SCPEP1: variants seen among roughly 807,000 people sequenced by gnomAD.
The protein encoded by SCPEP1 is retinoid-inducible serine carboxypeptidase.
A neutral mutation model predicts 63.8 loss-of-function variants in SCPEP1; 51 were observed. The ratio of observed to expected loss-of-function variants is 0.80; its 90% CI spans 0.64 to 1.01. The LOEUF is 1.01. Among genes scored for constraint, SCPEP1 ranks in the 50% least tolerant of loss-of-function variants. SCPEP1 has a pLI of 0.00. For missense variants in SCPEP1, 499 were observed against 554.9 expected, an observed-to-expected ratio of 0.90 and a Z score of 1.01; for synonymous variants, 204 against 207.8, an observed-to-expected ratio of 0.98 and a Z score of 0.16.
intron 12 of SCPEP1, among the ~76,000 whole-genome samples, chr17:57,004,259 G>A (rs1055498529): frequency 6.6e-6 from 1 of 152,160 alleles, no homozygotes; most frequent in African/African-American, 2.4e-5. Context: ...GCGCGGTGGC[G>A]CCTGCCTGTG....
At chr17:56,980,618 A>G (rs1156598657) in intron 1 of SCPEP1, among the ~76,000 whole-genome samples, 1 of 151,906 alleles carries the variant, frequency 6.6e-6, no homozygotes, top group Non-Finnish European at 1.5e-5. Flanking sequence ...GAGAAACCCC[A>G]TCTCTACTAA....
At chr17:57,005,795 C>T (rs535048304) in intron 12 of SCPEP1, among the ~76,000 whole-genome samples, 4 of 152,192 alleles carry the variant, frequency 2.6e-5, no homozygotes, top group South Asian at 4.1e-4. Flanking sequence ...ATTCTCAATC[C>T]GGGATCCCTT....
At chr17:56,987,907 C>T in intron 4 of SCPEP1, 57 bp downstream of exon 4, 2 of 1,579,808 alleles carry the variant, frequency 1.3e-6, no homozygotes, top group Non-Finnish European at 1.7e-6. Context: ...ACTCTACATC[C>T]ATCAGCATAA....
At chr17:56,983,451 C>T (rs955572948) in intron 2 of SCPEP1, 3 of 152,184 alleles carry the variant, frequency 2.0e-5, no homozygotes, top group African/African-American at 4.8e-5. Context: ...TAATTTATTG[C>T]ATATTGCATT....
intron 1 of SCPEP1, 67 bp downstream of exon 1, chr17:56,978,302 C>G (rs1910974832): frequency 6.8e-7 from 1 of 1,472,594 alleles, no homozygotes; most frequent in Non-Finnish European, 9.0e-7. Context: ...GAGTTTGTTA[C>G]TGGGTTTGTG....
At chr17:57,002,887 A>AG (rs1339840866) in intron 12 of SCPEP1, among the ~76,000 whole-genome samples, 10 of 151,808 alleles carry the variant, frequency 6.6e-5, no homozygotes, top group African/African-American at 2.4e-4. Context: ...AAAAAAAAAA[A>AG]AAAAGAAAAA....
chr17:56,987,874 T>A (rs1911271365), intron 4 of SCPEP1, 24 bp downstream of exon 4: 3 of 1,612,658 alleles, frequency 1.9e-6, no homozygotes, highest in Non-Finnish European at 1.7e-6. Flanking sequence ...CAGGAACAGC[T>A]AAGTAAAGGG....
chr17:56,985,237 G>A lies in SCPEP1; in HGVS notation c.226-141G>A, dbSNP rs551358690. 1.0e-4 allele frequency: 66 copies of A among 662,682 alleles called. No individual in the cohort carries two copies. In the African/African-American group the frequency reaches 1.1e-3, roughly 11 times the overall value. 41.1% of individuals were successfully genotyped at this position (662,682 alleles called of 1,614,324 possible). On this transcript the variant is annotated intron_variant, in intron 2 of 12. Transcript: ENST00000262288. ...GAGCTTTGCTAATGTGGAAGTCCCTGGTTCACTAGAGAAATTGTGTCTTTT... is the reference window on the plus strand; with the variant it reads ...GAGCTTTGCTAATGTGGAAGTCCCTAGTTCACTAGAGAAATTGTGTCTTTT...
chr17:57,006,327 T>C lies in SCPEP1; in HGVS notation c.*92T>C. On this transcript the variant is annotated 3_prime_UTR_variant, in exon 13 of 13. Coordinates refer to ENST00000262288, the MANE Select transcript of SCPEP1 (RefSeq NM_021626.3). ...CTGTAGGAAGCGCCATTCTTCCCTG[T>C]ATCTAACTGGGGCTGTGATCAAGAA... The C allele has an allele frequency of 5.6e-6, 5 of 891,274 alleles. No homozygotes were observed. Among genetic ancestry groups the C allele is most frequent in the Non-Finnish European group, 8.4e-6 (5 of 593,336 alleles). The allele number at this position is 891,274 out of a possible 1,614,324, so 55.2% of individuals were successfully genotyped here.
In SCPEP1 at chr17:57,006,572, C is replaced by A. The variant is rs11559131; in HGVS notation, c.*337C>A. ...AGGTACCCAAAGAGTAAATCAACAT[C>A]TGTATACCCCCTTCCCAGGGGTAAG... On this transcript the variant is annotated 3_prime_UTR_variant, in exon 13 of 13. Coordinates refer to ENST00000262288, the MANE Select transcript of SCPEP1 (RefSeq NM_021626.3). 20,865 of 172,650 alleles carry A rather than the reference C, an allele frequency of 0.12. 1,332 individuals carry two copies. The highest frequency in any genetic ancestry group is 0.21 in the East Asian group (1,379 of 6,578). 10.7% of individuals were successfully genotyped at this position (172,650 alleles called of 1,614,324 possible). A position where few individuals can be genotyped will look rare whatever the true frequency, so the allele number is the denominator to read the frequency against.
At chr17:56,998,076 G>A (rs546685532) in intron 9 of SCPEP1, 24 of 282,788 alleles carry the variant, frequency 8.5e-5, no homozygotes, top group Non-Finnish European at 1.4e-4. Flanking sequence ...CACTTGGGAG[G>A]CTGAGGCGGG....
At position 56,985,331 on chromosome 17, in the gene SCPEP1, A is replaced by G. The variant is rs754450041; in HGVS notation, c.226-47A>G. ...GCAAATGTGGTCATTCATTGTAAAG[A>G]CTAAGATCTGACTAAAATTTTTGTT... On this transcript the variant is annotated intron_variant, in intron 2 of 12. Coordinates refer to ENST00000262288, the MANE Select transcript of SCPEP1 (RefSeq NM_021626.3). The G allele has an allele frequency of 2.1e-6, 3 of 1,418,056 alleles. No homozygotes were observed. In the Admixed American group the frequency reaches 5.0e-5, roughly 24 times the overall value. 87.8% of individuals were successfully genotyped at this position (1,418,056 alleles called of 1,614,324 possible).
At chr17:56,991,058 A>G (rs1331897880) in intron 5 of SCPEP1, 41 bp from the exon 6 acceptor site, 1 of 1,466,040 alleles carries the variant, frequency 6.8e-7, no homozygotes, top group Non-Finnish European at 9.6e-7. Context: ...TGCGTGAGCC[A>G]CTGCACCTGG....
rs776942064 is a variant in SCPEP1, at chr17:56,997,027, G to A, written c.852G>A (p.Ser284=). 39 of 1,606,578 alleles carry A rather than the reference G, an allele frequency of 2.4e-5. No homozygotes were observed. In the East Asian group the frequency reaches 4.5e-4, roughly 18 times the overall value. Residue 284 remains serine (S), a synonymous_variant, in exon 9 of 13, where the codon TCG becomes TCA. Transcript: ENST00000262288. ...TKSTPTSTME[S]SLEFTQSHLV... is the part of the protein sequence containing the mutation. Reference sequence around the variant, plus strand: ...GCACTCCCACGTCTACAATGGAGTCGAGTCTAGAATTCACACAGAGCCACC... The same window carrying A: ...GCACTCCCACGTCTACAATGGAGTCAAGTCTAGAATTCACACAGAGCCACC...
Position 57,000,836 on chromosome 17 carries a change from T to C in SCPEP1, c.995-19T>C. The C allele has an allele frequency of 6.2e-7, 1 of 1,613,680 alleles. No homozygotes were observed. Among genetic ancestry groups the C allele is most frequent in the African/African-American group, 1.3e-5 (1 of 74,986 alleles). ...GGCAGATTCCAAGCTACTCCCTCTTTCTCCTTCCCCATGTGCAGGCCAGGC... is the reference window on the plus strand; with the variant it reads ...GGCAGATTCCAAGCTACTCCCTCTTCCTCCTTCCCCATGTGCAGGCCAGGC... On this transcript the variant is annotated intron_variant, in intron 10 of 12. Transcript: ENST00000262288.
At chr17:56,987,177 T>C (rs1911246908) in intron 3 of SCPEP1, 1 of 152,412 alleles carries the variant, frequency 6.6e-6, no homozygotes, top group Admixed American at 6.5e-5. Flanking sequence ...GGATCTTTTA[T>C]ATGTAAATTT....
At chr17:56,987,914 A>T in intron 4 of SCPEP1, 64 bp downstream of exon 4, 1 of 1,555,498 alleles carries the variant, frequency 6.4e-7, no homozygotes, top group Non-Finnish European at 8.8e-7. Flanking sequence ...ATCCATCAGC[A>T]TAAACCTGAA....
intron 3 of SCPEP1, 101 bp downstream of exon 3, chr17:56,985,568 CT>C: frequency 1.2e-6 from 1 of 846,348 alleles, no homozygotes; most frequent in Non-Finnish European, 2.0e-6. Context: ...CCTCGCTGTC[CT>C]TTTCCTTTTC....
chr17:56,980,853 A>G (rs1746670858), intron 1 of SCPEP1, among the ~76,000 whole-genome samples: 1 of 152,068 alleles, frequency 6.6e-6, no homozygotes, highest in African/African-American at 2.4e-5. Flanking sequence ...CATTACAGAA[A>G]AGTGTAGAGG....
Sources: allele counts gnomAD v4.1 joint callset (sites outside exome capture counted in the v4.1 genomes callset), GRCh38; gene constraint gnomAD v4.1.1; transcripts MANE v1.5; gene names NCBI Gene and HGNC (gene_info 2026-07-23, HGNC 2026-07-21).